The following SPRYD7 variants were observed in gnomAD, a reference collection of about 807,000 sequenced individuals.
The protein encoded by SPRYD7 is SPRY domain-containing protein 7.
In SPRYD7, 14 loss-of-function variants were observed where a neutral mutation model predicts 23.8. The observed-to-expected ratio is 0.59, with a 90% confidence interval of 0.39 to 0.92. The LOEUF (loss-of-function observed/expected upper bound fraction) is 0.92, where lower values mean the gene tolerates loss of function less well. Among genes scored for constraint, SPRYD7 ranks in the 40% least tolerant of loss-of-function variants. The pLI is 0.00. For synonymous variants in SPRYD7, 75 were observed against 84.9 expected, an observed-to-expected ratio of 0.88 and a Z score of 0.64; for missense variants, 194 against 241.7, an observed-to-expected ratio of 0.80 and a Z score of 1.31.
chr13:49,915,179 A>C lies in SPRYD7; in HGVS notation c.494-19T>G. ...TCATCAACTAAAGGATACAAAAAGA[A>C]AGAAAATAAATTAGAAGCAAATACT... On this transcript the variant is annotated intron_variant, in intron 4 of 4. Coordinates refer to ENST00000361840, the MANE Select transcript of SPRYD7 (RefSeq NM_020456.4). 2 of 1,260,600 alleles carry C rather than the reference A, an allele frequency of 1.6e-6. No individual in the cohort carries two copies. The highest frequency in any genetic ancestry group is 2.2e-6 in the Non-Finnish European group (2 of 899,532). The allele number at this position is 1,260,600 out of a possible 1,614,324, so 78.1% of individuals were successfully genotyped here. A position where few individuals can be genotyped will look rare whatever the true frequency, so the allele number is the denominator to read the frequency against.
chr13:49,935,364 G>A (rs1363249690), intron 1 of SPRYD7, among the ~76,000 whole-genome samples: 5 of 152,182 alleles, frequency 3.3e-5, no homozygotes, highest in Non-Finnish European at 7.4e-5. Context: ...CCAGAAGCAT[G>A]AAACTACCTG....
chr13:49,919,851 A>G (rs879232596), intron 4 of SPRYD7, among the ~76,000 whole-genome samples: 1 of 151,946 alleles, frequency 6.6e-6, no homozygotes, highest in Admixed American at 6.6e-5. Flanking sequence ...GATACAAATA[A>G]AACATTTATG....
intron 1 of SPRYD7, among the ~76,000 whole-genome samples, chr13:49,934,156 GA>G (rs1007152237): frequency 4.0e-5 from 6 of 151,746 alleles, no homozygotes; most frequent in Non-Finnish European, 8.8e-5. Context: ...ATTCATGCTT[GA>G]AACATGTTCT....
chr13:49,916,362 T>C (rs1047867621), intron 4 of SPRYD7, among the ~76,000 whole-genome samples: 1 of 152,036 alleles, frequency 6.6e-6, no homozygotes, highest in African/African-American at 2.4e-5. Flanking sequence ...TCAGCATAAA[T>C]GCAGAAAAAA....
intron 3 of SPRYD7, among the ~76,000 whole-genome samples, chr13:49,924,035 T>C (rs934871972): frequency 6.6e-6 from 1 of 150,448 alleles, no homozygotes; most frequent in Non-Finnish European, 1.5e-5. Context: ...TAGGCTGGAG[T>C]GCAATGGCGC....
intron 4 of SPRYD7, among the ~76,000 whole-genome samples, chr13:49,916,138 A>G (rs1955748929): frequency 6.6e-6 from 1 of 152,146 alleles, no homozygotes; most frequent in African/African-American, 2.4e-5. Context: ...AAAACAAAAC[A>G]TGACCGTAAA....
intron 4 of SPRYD7, among the ~76,000 whole-genome samples, chr13:49,917,882 C>T (rs905312130): frequency 1.3e-5 from 2 of 151,974 alleles, no homozygotes; most frequent in African/African-American, 2.4e-5. Context: ...CATGCAAGGA[C>T]ACAGAAGGTA....
chr13:49,916,870 A>G (rs924028782), intron 4 of SPRYD7, among the ~76,000 whole-genome samples: 4 of 152,222 alleles, frequency 2.6e-5, no homozygotes, highest in Non-Finnish European at 2.9e-5. Context: ...CAACATGCAG[A>G]GTACCACTTC....
intron 4 of SPRYD7, among the ~76,000 whole-genome samples, chr13:49,920,715 C>T (rs1463861836): frequency 1.3e-5 from 2 of 152,100 alleles, no homozygotes; most frequent in East Asian, 1.9e-4. Flanking sequence ...AATCCCAGCA[C>T]TTTGGGAGGT....
At chr13:49,929,503 T>C (rs909462211) in intron 2 of SPRYD7, among the ~76,000 whole-genome samples, 2 of 152,162 alleles carry the variant, frequency 1.3e-5, no homozygotes, top group African/African-American at 2.4e-5. Context: ...TGTTTTTGTA[T>C]TTGTTTTTTT....
intron 3 of SPRYD7, among the ~76,000 whole-genome samples, chr13:49,925,672 C>T (rs547938378): frequency 2.6e-5 from 4 of 151,904 alleles, no homozygotes; most frequent in African/African-American, 4.8e-5. Flanking sequence ...ATTAGCCAGT[C>T]GTGGTGGCGG....
intron 3 of SPRYD7, among the ~76,000 whole-genome samples, chr13:49,924,178 G>T (rs1017126354): frequency 2.6e-5 from 4 of 151,906 alleles, no homozygotes; most frequent in African/African-American, 9.7e-5. Flanking sequence ...GTAGAGACGG[G>T]GTTTCTCCAT....
intron 2 of SPRYD7, among the ~76,000 whole-genome samples, chr13:49,928,899 A>G (rs1955914751): frequency 6.6e-6 from 1 of 152,222 alleles, no homozygotes; most frequent in African/African-American, 2.4e-5. Context: ...ACAATGAGTG[A>G]CAAACAATAT....
chr13:49,925,497 A>G (rs928467960), intron 3 of SPRYD7, among the ~76,000 whole-genome samples: 3 of 151,516 alleles, frequency 2.0e-5, no homozygotes, highest in Non-Finnish European at 2.9e-5. Context: ...TGAAATTTGT[A>G]CTTTTCAGAA....
At chr13:49,928,137 G>C (rs369230015) in intron 2 of SPRYD7, 52 bp from the exon 3 acceptor site, 2 of 1,513,888 alleles carry the variant, frequency 1.3e-6, no homozygotes, top group Non-Finnish European at 1.8e-6. Flanking sequence ...TACAACCATC[G>C]AGTTATTTTA....
intron 3 of SPRYD7, among the ~76,000 whole-genome samples, chr13:49,927,431 G>A (rs1955894547): frequency 6.6e-6 from 1 of 151,900 alleles, no homozygotes; most frequent in Non-Finnish European, 1.5e-5. Context: ...GGGAGGCAGA[G>A]GTTGCAGTGA....
chr13:49,926,617 A>T (rs1007881794), intron 3 of SPRYD7, among the ~76,000 whole-genome samples: 10 of 152,236 alleles, frequency 6.6e-5, no homozygotes, highest in Non-Finnish European at 1.3e-4. Flanking sequence ...CATATTTTTT[A>T]AATTGCAAAA....
chr13:49,927,042 T>C (rs1955889551), intron 3 of SPRYD7, among the ~76,000 whole-genome samples: 1 of 152,200 alleles, frequency 6.6e-6, no homozygotes, highest in Non-Finnish European at 1.5e-5. Flanking sequence ...GTGTAACTTT[T>C]ACTATCCTCT....
intron 4 of SPRYD7, among the ~76,000 whole-genome samples, chr13:49,916,991 T>C (rs1289944776): frequency 6.6e-6 from 1 of 152,180 alleles, no homozygotes; most frequent in African/African-American, 2.4e-5. Flanking sequence ...TTTCAGAGGA[T>C]GAATAGAGAA....
Sources: allele counts gnomAD v4.1 joint callset (sites outside exome capture counted in the v4.1 genomes callset), GRCh38; gene constraint gnomAD v4.1.1; transcripts MANE v1.5; gene names NCBI Gene and HGNC (gene_info 2026-07-23, HGNC 2026-07-21).